CCBE1: variants seen among roughly 807,000 people sequenced by gnomAD.
The protein encoded by CCBE1 is collagen and calcium binding EGF domains 1.
Under a neutral mutation model 50.0 loss-of-function variants are expected in CCBE1, and 37 were observed. The ratio of observed to expected loss-of-function variants is 0.74; its 90% confidence interval spans 0.57 to 0.97. The LOEUF (loss-of-function observed/expected upper bound fraction) is 0.97, where lower values mean the gene tolerates loss of function less well. CCBE1 is among the 50% of genes least tolerant of loss of function. The probability of loss-of-function intolerance (pLI) is 0.00; values close to 1 mark genes in which losing one functional copy is unlikely to be tolerated. For synonymous variants in CCBE1, 234 were observed against 203.7 expected (o/e 1.15, Z -1.27); for missense variants, 538 against 523.8 (o/e 1.03, Z -0.26).
intron 2 of CCBE1, among the ~76,000 whole-genome samples, chr18:59,602,489 A>G (rs1293671887): frequency 1.3e-5 from 2 of 152,226 alleles, no homozygotes; most frequent in African/African-American, 2.4e-5. Flanking sequence ...ATATAAAACC[A>G]TTGGATAAAT....
chr18:59,536,300 T>C (rs1305651756), intron 2 of CCBE1, among the ~76,000 whole-genome samples: 1 of 152,146 alleles, frequency 6.6e-6, no homozygotes, highest in South Asian at 2.1e-4. Flanking sequence ...CCTGGACAGC[T>C]CATGGCAGGC....
At chr18:59,622,150 C>A (rs552125485) in intron 2 of CCBE1, among the ~76,000 whole-genome samples, 1 of 152,308 alleles carries the variant, frequency 6.6e-6, no homozygotes, top group South Asian at 2.1e-4. Flanking sequence ...CAAGGGTGAT[C>A]CTGCCTGTTA....
intron 2 of CCBE1, among the ~76,000 whole-genome samples, chr18:59,650,928 A>G (rs2054118943): frequency 6.6e-6 from 1 of 151,916 alleles, no homozygotes; most frequent in South Asian, 2.1e-4. Flanking sequence ...ATGGAGAGGA[A>G]CATCATCCAC....
chr18:59,554,355 C>G (rs1181594860), intron 2 of CCBE1, among the ~76,000 whole-genome samples: 1 of 152,202 alleles, frequency 6.6e-6, no homozygotes, highest in African/African-American at 2.4e-5. Context: ...AGCTGGCTCT[C>G]TTTCATGATT....
chr18:59,595,576 A>G (rs1281999803), intron 2 of CCBE1, among the ~76,000 whole-genome samples: 1 of 152,204 alleles, frequency 6.6e-6, no homozygotes, highest in Admixed American at 6.5e-5. Context: ...AGTTCCTTCA[A>G]CTGAAAGTAT....
chr18:59,480,700 T>C (rs1192545024), intron 2 of CCBE1, among the ~76,000 whole-genome samples: 2 of 152,010 alleles, frequency 1.3e-5, no homozygotes, highest in Non-Finnish European at 2.9e-5. Context: ...AATTAGGTAG[T>C]CAACTATTAA....
chr18:59,669,856 TTAC>T (rs1363228974), intron 2 of CCBE1, among the ~76,000 whole-genome samples: 1 of 152,232 alleles, frequency 6.6e-6, no homozygotes, highest in Non-Finnish European at 1.5e-5. Flanking sequence ...TGGGAAATAA[TTAC>T]TAACGCCATG....
intron 2 of CCBE1, among the ~76,000 whole-genome samples, chr18:59,611,737 C>T (rs1476485650): frequency 4.6e-5 from 7 of 151,850 alleles, no homozygotes. Context: ...CAGAGTGCAA[C>T]TCTGTCTTAA....
intron 2 of CCBE1, among the ~76,000 whole-genome samples, chr18:59,604,980 C>T (rs538730316): frequency 4.6e-5 from 7 of 152,308 alleles, no homozygotes; most frequent in Admixed American, 4.6e-4. Context: ...GAGACGGGAG[C>T]TCAGTGTCCA....
At chr18:59,595,075 A>G (rs1166774911) in intron 2 of CCBE1, among the ~76,000 whole-genome samples, 5 of 149,586 alleles carry the variant, frequency 3.3e-5, no homozygotes, top group Non-Finnish European at 7.4e-5. Flanking sequence ...ATTTGCCACT[A>G]AACTCCATCC....
At chr18:59,612,815 G>GTT (rs796066639) in intron 2 of CCBE1, among the ~76,000 whole-genome samples, 6,146 of 114,918 alleles carry the variant, frequency 0.053, 461 homozygotes, top group African/African-American at 0.16. Flanking sequence ...AATCTCAAGG[G>GTT]TTTTTTTTTT....
intron 2 of CCBE1, among the ~76,000 whole-genome samples, chr18:59,632,500 G>A (rs966953657): frequency 8.6e-5 from 13 of 151,398 alleles, no homozygotes; most frequent in Non-Finnish European, 1.6e-4. Context: ...TCTTGAACTC[G>A]TGGCCTCAGG....
intron 2 of CCBE1, among the ~76,000 whole-genome samples, chr18:59,491,805 ACT>A (rs1310742324): frequency 1.3e-5 from 2 of 151,696 alleles, no homozygotes; most frequent in African/African-American, 2.4e-5. Context: ...GCAGCGTGAG[ACT>A]CTGTCTCCAA....
intron 2 of CCBE1, among the ~76,000 whole-genome samples, chr18:59,658,005 G>C (rs1391665054): frequency 6.6e-6 from 1 of 151,982 alleles, no homozygotes; most frequent in African/African-American, 2.4e-5. Context: ...CCAAGAGTGT[G>C]GGCTGAGGAG....
chr18:59,525,995 G>A (rs1568187211), intron 2 of CCBE1, among the ~76,000 whole-genome samples: 1 of 152,158 alleles, frequency 6.6e-6, no homozygotes, highest in Non-Finnish European at 1.5e-5. Context: ...ATGTAGCCTT[G>A]TAGTATAGTT....
intron 2 of CCBE1, among the ~76,000 whole-genome samples, chr18:59,527,529 G>T (rs1026070753): frequency 6.6e-6 from 1 of 152,094 alleles, no homozygotes; most frequent in African/African-American, 2.4e-5. Flanking sequence ...ATTTGATCCT[G>T]TCATGATGCT....
intron 2 of CCBE1, among the ~76,000 whole-genome samples, chr18:59,635,873 A>C (rs1423203301): frequency 3.3e-5 from 5 of 152,194 alleles, no homozygotes; most frequent in African/African-American, 1.2e-4. Context: ...TTAGAAGCCA[A>C]ATTCTAAGCT....
At position 59,436,152 on chromosome 18, in the gene CCBE1, G is replaced by A; in HGVS notation, c.988-11C>T. 6.2e-7 allele frequency: 1 copy of A among 1,612,736 alleles called. No homozygotes were observed. The highest frequency in any genetic ancestry group is 8.5e-7 in the Non-Finnish European group (1 of 1,178,822). ...AGAACCAGGGGGTCCCTGTGTACATGGGAGGAATCAAAGCTAGAATACGAC... is the reference window on the plus strand; with the variant it reads ...AGAACCAGGGGGTCCCTGTGTACATAGGAGGAATCAAAGCTAGAATACGAC... On this transcript the variant is annotated splice_polypyrimidine_tract_variant and intron_variant, in intron 10 of 10. Transcript: ENST00000439986.
At chr18:59,627,822 G>GT (rs895486929) in intron 2 of CCBE1, among the ~76,000 whole-genome samples, 43 of 152,274 alleles carry the variant, frequency 2.8e-4, no homozygotes, top group African/African-American at 1.0e-3. Context: ...ATACATTTCT[G>GT]TTTTTTTAAG....
Sources: allele counts gnomAD v4.1 joint callset (sites outside exome capture counted in the v4.1 genomes callset), GRCh38; gene constraint gnomAD v4.1.1; transcripts MANE v1.5; gene names NCBI Gene and HGNC (gene_info 2026-07-23, HGNC 2026-07-21).